Variants in NRXN2 observed in about 807,000 individuals in gnomAD.
NRXN2 encodes the protein neurexin 2, also known as neurexin-2-beta.
NRXN2 carries 29 observed loss-of-function variants against 128.8 expected under a neutral mutation model. The observed-to-expected ratio is 0.23, with a 90% CI of 0.17 to 0.31. NRXN2 has a LOEUF of 0.31. Among genes scored for constraint, NRXN2 ranks in the 10% least tolerant of loss-of-function variants. The probability of loss-of-function intolerance (pLI) is 1.00; values close to 1 mark genes in which losing one functional copy is unlikely to be tolerated. For synonymous variants in NRXN2, 1,098 were observed against 1,075.2 expected, an observed-to-expected ratio of 1.02 and a Z score of -0.41; for missense variants, 1,881 against 2,452.6, an observed-to-expected ratio of 0.77 and a Z score of 4.92.
chr11:64,654,591 A>G lies in NRXN2; in HGVS notation c.2390-869T>C, dbSNP rs138733811. On this transcript the variant is annotated intron_variant, in intron 11 of 22. Coordinates refer to ENST00000265459, the MANE Select transcript of NRXN2 (RefSeq NM_015080.4). Reference sequence around the variant, plus strand: ...CTGGGAAGGCCCCGTGTGGCTACACAGAGCCAGCAGCCCAGGGCCCTGAAG... The same window carrying G: ...CTGGGAAGGCCCCGTGTGGCTACACGGAGCCAGCAGCCCAGGGCCCTGAAG... Among the ~76,000 whole-genome samples the G allele has an allele frequency of 5.9e-3, 891 of 152,290 alleles. 3 individuals carry two copies. Among genetic ancestry groups the G allele is most frequent in the Non-Finnish European group, 9.5e-3 (648 of 68,016 alleles).
chr11:64,623,965 G>C lies in NRXN2; in HGVS notation c.3848-887C>G, dbSNP rs1057042616. On this transcript the variant is annotated intron_variant, in intron 20 of 22. Transcript: ENST00000265459. This position sits in a 1 kb window ranked among gnomAD's most constrained non-coding sequence, Gnocchi z 4.9. ...GATCTGGGGGTCGGTTTAACCCTCT[G>C]AGTTTGTTGTTTTGGTTTGGTTTTT... The C allele has an allele frequency of 2.0e-5, 3 of 151,742 alleles. No individual in the cohort carries two copies. The highest frequency in any genetic ancestry group is 4.4e-5 in the Non-Finnish European group (3 of 67,996). The allele number at this position is 151,742 out of a possible 1,614,324, so 9.4% of individuals were successfully genotyped here.
At position 64,651,114 on chromosome 11, in the gene NRXN2, C is replaced by A; in HGVS notation, c.2918+141G>T. ...CATCTTGGCTGAAGAGGGAGCCTCTCGACTTACGGTCGGGGACCTGAATCT... is the reference window on the plus strand; with the variant it reads ...CATCTTGGCTGAAGAGGGAGCCTCTAGACTTACGGTCGGGGACCTGAATCT... On this transcript the variant is annotated intron_variant, in intron 14 of 22. Transcript: ENST00000265459. The surrounding 1 kb of genome is among the most constrained non-coding windows in gnomAD (Gnocchi z 5.9). The A allele has an allele frequency of 8.6e-7, 1 of 1,163,656 alleles. No individual in the cohort carries two copies. Among genetic ancestry groups the A allele is most frequent in the Non-Finnish European group, 1.3e-6 (1 of 798,564 alleles). 72.1% of individuals were successfully genotyped at this position (1,163,656 alleles called of 1,614,324 possible). A position where few individuals can be genotyped will look rare whatever the true frequency, so the allele number is the denominator to read the frequency against.
rs904046279 is a variant in NRXN2, at chr11:64,632,693, G to A, written c.3586-2120C>T. On this transcript the variant is annotated intron_variant, in intron 18 of 22. Transcript: ENST00000265459. This position sits in a 1 kb window ranked among gnomAD's most constrained non-coding sequence, Gnocchi z 4.2. ...AGTCAAGCTCAGGGCCCTGCACTCC[G>A]GGGGAGAGGCAGCTCCCCAGAGCCT... 4.6e-5 allele frequency among the ~76,000 whole-genome samples: 7 copies of A among 152,084 alleles called. No individual in the cohort carries two copies. Among genetic ancestry groups the A allele is most frequent in the Admixed American group, 2.6e-4 (4 of 15,280 alleles).
chr11:64,643,049 G>A, intron 17 of NRXN2: 1 of 997,122 alleles, frequency 1.0e-6, no homozygotes, highest in Non-Finnish European at 1.2e-6. Flanking sequence ...GAGGAGCTAG[G>A]GGTCTCTCTG....
chr11:64,627,543 C>T (rs1330871387), intron 19 of NRXN2, among the ~76,000 whole-genome samples: 1 of 152,008 alleles, frequency 6.6e-6, no homozygotes, highest in African/African-American at 2.4e-5. Context: ...CCCCCAGTTC[C>T]AGCCCCCATC....
At chr11:64,624,010 T>C (rs2042740300) in intron 20 of NRXN2, 1 of 152,178 alleles carries the variant, frequency 6.6e-6, no homozygotes, top group Non-Finnish European at 1.5e-5. Flanking sequence ...GTTTATTATG[T>C]TTAAGTTTAG....
At chr11:64,695,325 T>C (rs1269068509) in intron 3 of NRXN2, among the ~76,000 whole-genome samples, 1 of 152,134 alleles carries the variant, frequency 6.6e-6, no homozygotes, top group African/African-American at 2.4e-5. Flanking sequence ...TCTGGGTCTC[T>C]TTGCCCTGCC....
intron 2 of NRXN2, among the ~76,000 whole-genome samples, chr11:64,702,520 G>A (rs375531742): frequency 2.6e-5 from 4 of 151,932 alleles, no homozygotes; most frequent in African/African-American, 4.8e-5. Flanking sequence ...TGTGCTCTCT[G>A]AAACATGTGC....
intron 2 of NRXN2, among the ~76,000 whole-genome samples, chr11:64,699,342 T>A (rs1230163648): frequency 6.6e-6 from 1 of 151,864 alleles, no homozygotes; most frequent in Non-Finnish European, 1.5e-5. Flanking sequence ...TGTCAACATG[T>A]GTTACAAACA....
At chr11:64,614,414 A>G (rs2041148958) in intron 22 of NRXN2, among the ~76,000 whole-genome samples, 1 of 152,234 alleles carries the variant, frequency 6.6e-6, no homozygotes, top group South Asian at 2.1e-4. Flanking sequence ...CCAAATCTGC[A>G]TGAGCAGGGG....
In NRXN2 at chr11:64,626,522, G is replaced by C; in HGVS notation, c.3788C>G (p.Ala1263Gly). Reference sequence around the variant, plus strand: ...AAGCCGGTAGGGGATTCTCTGTCTAGCAATCGCCAGGCGCTCGTTATCAAA... The same window carrying C: ...AAGCCGGTAGGGGATTCTCTGTCTACCAATCGCCAGGCGCTCGTTATCAAA... ...GNFDNERLAI[A>G]RQRIPYRLGR... The change falls in exon 20 of 23, where the codon GCT becomes GGT. Residue 1263 changes from alanine to glycine, a missense_variant. Transcript: ENST00000265459. The C allele has an allele frequency of 6.2e-7, 1 of 1,614,080 alleles. No individual in the cohort carries two copies. The highest frequency in any genetic ancestry group is 8.5e-7 in the Non-Finnish European group (1 of 1,179,956).
Position 64,667,594 on chromosome 11 carries a change from C to A in NRXN2, c.1454G>T (p.Arg485Leu), listed in dbSNP as rs199834213. 17 of 1,614,086 alleles carry A rather than the reference C, an allele frequency of 1.1e-5. No homozygotes were observed. Among genetic ancestry groups the A allele is most frequent in the South Asian group, 2.2e-5 (2 of 91,092 alleles). ...KMKLQGDLSF[R>L]CEDVAALDPV... The stretch of plus-strand genomic sequence containing the variant: ...GTCCAGGGCAGCCACATCCTCACAG[C>A]GGAATGACAAGTCCCCCTGCAGCTT... Residue 485 changes from arginine to leucine, a missense_variant, in exon 9 of 23, where the codon CGC becomes CTC. This residue lies in a region of NRXN2 where 997 missense variants were observed against 1,240.8 expected (regional missense o/e 0.80). Transcript: ENST00000265459. The surrounding 1 kb of genome is among the most constrained non-coding windows in gnomAD (Gnocchi z 5.6).
chr11:64,635,214 G>T lies in NRXN2; in HGVS notation c.3585+57C>A. Reference sequence around the variant, plus strand: ...GCTGATCCCATGGCAATGAGGGGCTGAACTGATTTGGGAGCAGGAAGCTTG... The same window carrying T: ...GCTGATCCCATGGCAATGAGGGGCTTAACTGATTTGGGAGCAGGAAGCTTG... On this transcript the variant is annotated intron_variant, in intron 18 of 22. Transcript: ENST00000265459. The surrounding 1 kb of genome is among the most constrained non-coding windows in gnomAD (Gnocchi z 4.8). The T allele has an allele frequency of 6.3e-7, 1 of 1,593,764 alleles. No individual in the cohort carries two copies. The highest frequency in any genetic ancestry group is 8.6e-7 in the Non-Finnish European group (1 of 1,164,552).
rs1397400009 is a variant in NRXN2, at chr11:64,606,452, C to G, written c.*744G>C. On this transcript the variant is annotated 3_prime_UTR_variant, in exon 23 of 23. Coordinates refer to ENST00000265459, the MANE Select transcript of NRXN2 (RefSeq NM_015080.4). ...TGCCTTTCCCCTCCCTCCCACCCCCCACCCCTGCTCCTCCAGCAGCTTCCC... is the reference window on the plus strand; with the variant it reads ...TGCCTTTCCCCTCCCTCCCACCCCCGACCCCTGCTCCTCCAGCAGCTTCCC... 5.2e-5 allele frequency: 7 copies of G among 134,882 alleles called. No individual in the cohort carries two copies. The highest frequency in any genetic ancestry group is 1.1e-4 in the Non-Finnish European group (7 of 62,774). 8.4% of individuals were successfully genotyped at this position (134,882 alleles called of 1,614,324 possible). A position where few individuals can be genotyped will look rare whatever the true frequency, so the allele number is the denominator to read the frequency against.
intron 22 of NRXN2, among the ~76,000 whole-genome samples, chr11:64,620,080 G>A (rs577334775): frequency 6.6e-6 from 1 of 152,238 alleles, no homozygotes; most frequent in Non-Finnish European, 1.5e-5. Context: ...CCCAGGCTAA[G>A]GACCTCACTA....
At chr11:64,684,600 T>C (rs944102879) in intron 6 of NRXN2, among the ~76,000 whole-genome samples, 1 of 151,084 alleles carries the variant, frequency 6.6e-6, no homozygotes, top group African/African-American at 2.4e-5. Context: ...TGAGAACAGG[T>C]AGGAAGAGTG....
chr11:64,695,892 C>A (rs1007533960), intron 3 of NRXN2, among the ~76,000 whole-genome samples: 9 of 152,080 alleles, frequency 5.9e-5, no homozygotes, highest in African/African-American at 2.2e-4. Context: ...AGCCCAGCTT[C>A]CCTTCTTGTT....
chr11:64,719,930 T>C (rs915756462), intron 1 of NRXN2, among the ~76,000 whole-genome samples: 1 of 152,226 alleles, frequency 6.6e-6, no homozygotes, highest in African/African-American at 2.4e-5. Flanking sequence ...TACGGGGACC[T>C]TCTATGTGTC....
chr11:64,648,277 C>T lies in NRXN2; in HGVS notation c.3345G>A (p.Trp1115Ter), dbSNP rs572638295. The change falls in exon 17 of 23, where the codon TGG becomes TGA. Residue 1115 changes from tryptophan to a stop codon, truncating the protein, a stop_gained. Coordinates refer to ENST00000265459, the MANE Select transcript of NRXN2 (RefSeq NM_015080.4). LOFTEE classifies it high-confidence loss of function. The surrounding 1 kb of genome is among the most constrained non-coding windows in gnomAD (Gnocchi z 4.1). ...TGGTGCAGTCGCAGGTGAAGCCATCCCACTGCTGCAAGCAGACGCCCTGGT... is the reference window on the plus strand; with the variant it reads ...TGGTGCAGTCGCAGGTGAAGCCATCTCACTGCTGCAAGCAGACGCCCTGGT... ...CANQGVCLQQ[W>*]DGFTCDCTMT... The T allele has an allele frequency of 6.2e-7, 1 of 1,614,226 alleles. No homozygotes were observed. Among genetic ancestry groups the T allele is most frequent in the Non-Finnish European group, 8.5e-7 (1 of 1,180,038 alleles).
Sources: allele counts gnomAD v4.1 joint callset (sites outside exome capture counted in the v4.1 genomes callset), GRCh38; gene constraint gnomAD v4.1.1; regional missense constraint gnomAD v4.1.1; non-coding constraint Gnocchi (gnomAD v3.1); transcripts MANE v1.5; gene names NCBI Gene and HGNC (gene_info 2026-07-23, HGNC 2026-07-21).